The following ATP8B1 variants were observed in gnomAD, a reference collection of about 807,000 sequenced individuals.
The protein encoded by ATP8B1 is phospholipid-transporting ATPase IC.
ATP8B1 carries 80 observed loss-of-function variants against 149.9 expected under a neutral mutation model. The ratio of observed to expected loss-of-function variants is 0.53; its 90% CI spans 0.45 to 0.64. The LOEUF (loss-of-function observed/expected upper bound fraction) is 0.64, where lower values mean the gene tolerates loss of function less well. Ranked by LOEUF, ATP8B1 falls within the 30% of genes least tolerant of loss-of-function variation. ATP8B1 has a pLI of 0.00. For synonymous variants in ATP8B1, 536 were observed against 562.8 expected, an observed-to-expected ratio of 0.95 and a Z score of 0.67; for missense variants, 1,247 against 1,552.6, an observed-to-expected ratio of 0.80 and a Z score of 3.31.
intron 3 of ATP8B1, among the ~76,000 whole-genome samples, chr18:57,705,414 A>G (rs932949101): frequency 6.6e-6 from 1 of 152,230 alleles, no homozygotes. Context: ...CTTAACACTA[A>G]TATCTATGAA....
At chr18:57,666,347 G>A (rs1457693004) in intron 20 of ATP8B1, among the ~76,000 whole-genome samples, 1 of 151,756 alleles carries the variant, frequency 6.6e-6, no homozygotes, top group Non-Finnish European at 1.5e-5. Context: ...TAGATTACAG[G>A]GGACCTACAT....
In ATP8B1 at chr18:57,674,896, C is replaced by T. The variant is rs762316095; in HGVS notation, c.1757G>A (p.Arg586Lys). 2 of 1,614,204 alleles carry T rather than the reference C, an allele frequency of 1.2e-6. No homozygotes were observed. Among genetic ancestry groups the T allele is most frequent in the Non-Finnish European group, 1.7e-6 (2 of 1,180,034 alleles). ...TITISELGTE[R>K]TYNVLAILDF... ...CAAAATGGCAAGAACATTGTAAGTC[C>T]TTTCAGTGCCCAGTTCACTGATGGT... The change falls in exon 16 of 28, where the codon AGG (arginine) becomes AAG (lysine). Residue 586 changes from arginine (R) to lysine (K), a missense_variant. Physicochemically the swap from Arg to Lys is conservative, Grantham distance 26 (BLOSUM62 2). This residue lies in a region of ATP8B1 where 853 missense variants were observed against 1,035.7 expected (regional missense o/e 0.82). Coordinates refer to ENST00000648908, the MANE Select transcript of ATP8B1 (RefSeq NM_001374385.1).
chr18:57,715,159 CAG>C (rs1260077177), intron 2 of ATP8B1, among the ~76,000 whole-genome samples: 2 of 152,058 alleles, frequency 1.3e-5, no homozygotes, highest in Non-Finnish European at 2.9e-5. Flanking sequence ...ATAAATGTAA[CAG>C]AGATTGAAAT....
intron 2 of ATP8B1, among the ~76,000 whole-genome samples, chr18:57,726,772 C>G (rs186193604): frequency 6.6e-6 from 1 of 152,018 alleles, no homozygotes; most frequent in Non-Finnish European, 1.5e-5. Context: ...AGCATGTTGC[C>G]CAAGATCTTA....
At chr18:57,785,741 A>G (rs925504153) in intron 1 of ATP8B1, among the ~76,000 whole-genome samples, 22 of 152,176 alleles carry the variant, frequency 1.4e-4, no homozygotes, top group African/African-American at 5.3e-4. Context: ...CCTCACCTCA[A>G]GTGATCCACA....
At chr18:57,717,661 A>C (rs2079596924) in intron 2 of ATP8B1, among the ~76,000 whole-genome samples, 1 of 150,998 alleles carries the variant, frequency 6.6e-6, no homozygotes, top group South Asian at 2.1e-4. Context: ...CAAAGCAGAG[A>C]TAAATGACAT....
At chr18:57,782,796 T>C (rs1326089589) in intron 1 of ATP8B1, among the ~76,000 whole-genome samples, 4 of 134,988 alleles carry the variant, frequency 3.0e-5, no homozygotes, top group African/African-American at 8.2e-5. Flanking sequence ...TTAATTCTAG[T>C]TTGTCTCTTT....
intron 1 of ATP8B1, among the ~76,000 whole-genome samples, chr18:57,779,372 A>C (rs982401503): frequency 1.3e-5 from 2 of 152,166 alleles, no homozygotes; most frequent in Non-Finnish European, 2.9e-5. Flanking sequence ...GTGTAGCAGC[A>C]GAGAGAAATT....
At chr18:57,668,756 C>A in intron 18 of ATP8B1, 1 of 506,100 alleles carries the variant, frequency 2.0e-6, no homozygotes, top group Non-Finnish European at 3.5e-6. Flanking sequence ...AAAGGATGAA[C>A]TATTTAATTT....
intron 4 of ATP8B1, among the ~76,000 whole-genome samples, chr18:57,703,480 G>A (rs1913228108): frequency 6.6e-6 from 1 of 150,558 alleles, no homozygotes; most frequent in African/African-American, 2.4e-5. Flanking sequence ...TGAGGCAGGA[G>A]AATCGCTTGA....
intron 1 of ATP8B1, among the ~76,000 whole-genome samples, chr18:57,778,519 C>T (rs1412148932): frequency 1.3e-5 from 2 of 152,106 alleles, no homozygotes; most frequent in Admixed American, 6.5e-5. Context: ...CATGAGCCAC[C>T]GCGCCCGGCC....
At chr18:57,780,769 A>G (rs747485612) in intron 1 of ATP8B1, among the ~76,000 whole-genome samples, 3 of 152,206 alleles carry the variant, frequency 2.0e-5, no homozygotes, top group Non-Finnish European at 4.4e-5. Flanking sequence ...TTCTGTGGAC[A>G]GTTTCACCCC....
At chr18:57,658,627 TTGTGTGTGTG>T (rs71171058) in intron 22 of ATP8B1, among the ~76,000 whole-genome samples, 67 of 145,086 alleles carry the variant, frequency 4.6e-4, no homozygotes, top group Middle Eastern at 3.5e-3. Flanking sequence ...AACAATTTCT[TTGTGTGTGTG>T]TGTGTGTGTG....
chr18:57,756,653 T>TTCTCTCCCTCTC (rs2080087624), intron 1 of ATP8B1, among the ~76,000 whole-genome samples: 2 of 149,202 alleles, frequency 1.3e-5, no homozygotes, highest in African/African-American at 4.9e-5. Context: ...ATGGTATTCC[T>TTCTCTCCCTCTC]TCTCTCTCTC....
At chr18:57,776,977 C>T (rs1315801589) in intron 1 of ATP8B1, among the ~76,000 whole-genome samples, 1 of 150,926 alleles carries the variant, frequency 6.6e-6, no homozygotes, top group Non-Finnish European at 1.5e-5. Flanking sequence ...ACTGTTTTCT[C>T]AGGCTTTTTT....
At chr18:57,688,866 C>T (rs989320824) in intron 12 of ATP8B1, among the ~76,000 whole-genome samples, 3 of 152,120 alleles carry the variant, frequency 2.0e-5, no homozygotes, top group Admixed American at 2.0e-4. Flanking sequence ...CTGAATCTGC[C>T]GATGCTTTGA....
chr18:57,691,676 G>A (rs1203853993), intron 12 of ATP8B1, 131 bp downstream of exon 12: 1 of 1,214,888 alleles, frequency 8.2e-7, no homozygotes, highest in Non-Finnish European at 1.1e-6. Context: ...CCTCAATTCT[G>A]AAATGAACGT....
chr18:57,705,373 G>T (rs1913338497), intron 3 of ATP8B1, among the ~76,000 whole-genome samples: 1 of 152,192 alleles, frequency 6.6e-6, no homozygotes, highest in South Asian at 2.1e-4. Context: ...GTAGTGGGTT[G>T]CATTGTGTCC....
At chr18:57,660,137 A>G (rs1330757946) in intron 22 of ATP8B1, among the ~76,000 whole-genome samples, 1 of 152,208 alleles carries the variant, frequency 6.6e-6, no homozygotes, top group Non-Finnish European at 1.5e-5. Context: ...GAGGGAGGAA[A>G]AAGGAACAGA....
Sources: allele counts gnomAD v4.1 joint callset (sites outside exome capture counted in the v4.1 genomes callset), GRCh38; gene constraint gnomAD v4.1.1; regional missense constraint gnomAD v4.1.1; transcripts MANE v1.5; gene names NCBI Gene and HGNC (gene_info 2026-07-23, HGNC 2026-07-21).